The following CAPN14 variants were observed in gnomAD, a reference collection of about 807,000 sequenced individuals.
CAPN14 encodes the protein calpain 14.
Under a neutral mutation model 101.3 loss-of-function variants are expected in CAPN14, and 94 were observed. The observed-to-expected ratio is 0.93, with a 90% CI of 0.79 to 1.10. The LOEUF (loss-of-function observed/expected upper bound fraction) is 1.10. CAPN14 is among the 50% of genes least tolerant of loss of function. The probability of loss-of-function intolerance (pLI) is 0.00; values close to 1 mark genes in which losing one functional copy is unlikely to be tolerated. For synonymous variants in CAPN14, 338 were observed against 317.9 expected, an observed-to-expected ratio of 1.06 and a Z score of -0.67; for missense variants, 837 against 828.4, an observed-to-expected ratio of 1.01 and a Z score of -0.13.
chr2:31,189,167 T>A lies in CAPN14; in HGVS notation c.1493+106A>T. The A allele has an allele frequency of 7.1e-6, 7 of 986,310 alleles. No individual in the cohort carries two copies. In the South Asian group the frequency reaches 1.0e-4, roughly 14 times the overall value. The allele number at this position is 986,310 out of a possible 1,614,324, so 61.1% of individuals were successfully genotyped here. A position where few individuals can be genotyped will look rare whatever the true frequency, so the allele number is the denominator to read the frequency against. On this transcript the variant is annotated intron_variant, in intron 13 of 21. Coordinates refer to ENST00000403897, the MANE Select transcript of CAPN14 (RefSeq NM_001145122.2). ...TCTCCTGCTCTCCCCATCTCCCTTT[T>A]GTCTCAGCAGCAGAGATCCTGGTTT...
intron 21 of CAPN14, among the ~76,000 whole-genome samples, chr2:31,175,381 GC>G (rs1680239657): frequency 6.6e-6 from 1 of 152,160 alleles, no homozygotes. Context: ...TTTGCCTAAG[GC>G]CCCACAGCTA....
Position 31,199,563 on chromosome 2 carries a change from T to C in CAPN14, c.727-31A>G, listed in dbSNP as rs1178400432. ...GAGACAAGAGAGGTCCTGATCAGTCTTCTGTTATGTACAGCTTATTCTTTG... is the reference window on the plus strand; with the variant it reads ...GAGACAAGAGAGGTCCTGATCAGTCCTCTGTTATGTACAGCTTATTCTTTG... On this transcript the variant is annotated intron_variant, in intron 6 of 21. Transcript: ENST00000403897. 5.2e-5 allele frequency: 79 copies of C among 1,531,582 alleles called. 1 individual carries two copies. The East Asian group carries it at 1.9e-3, about 37-fold the overall frequency. The allele number at this position is 1,531,582 out of a possible 1,614,324, so 94.9% of individuals were successfully genotyped here. A position where few individuals can be genotyped will look rare whatever the true frequency, so the allele number is the denominator to read the frequency against.
rs551102403 is a variant in CAPN14, at chr2:31,211,204, G to C, written c.-52-5705C>G. Among the ~76,000 whole-genome samples, 14 of 147,150 alleles carry C rather than the reference G, an allele frequency of 9.5e-5. No homozygotes were observed. The South Asian group carries it at 3.1e-3, about 33-fold the overall frequency. Reference sequence around the variant, plus strand: ...AAAACAGAAAGAAAGAAAAAAGAAAGAAAGAAAGAAAAAGAAAGAGAGAAA... The same window carrying C: ...AAAACAGAAAGAAAGAAAAAAGAAACAAAGAAAGAAAAAGAAAGAGAGAAA... On this transcript the variant is annotated intron_variant, in intron 1 of 21. Transcript: ENST00000403897.
chr2:31,224,611 A>T (rs1266146066), intron 2 of CAPN14, among the ~76,000 whole-genome samples: 1 of 152,144 alleles, frequency 6.6e-6, no homozygotes, highest in Admixed American at 6.5e-5. Context: ...ATTAATAAAA[A>T]AGAAAAGCAC....
intron 1 of CAPN14, among the ~76,000 whole-genome samples, chr2:31,227,057 C>T (rs1305082186): frequency 6.6e-6 from 1 of 152,204 alleles, no homozygotes; most frequent in Non-Finnish European, 1.5e-5. Context: ...ACCTGTGCTA[C>T]AAAAGCAGAC....
chr2:31,184,686 C>T (rs4952054), intron 16 of CAPN14, among the ~76,000 whole-genome samples: 50,674 of 152,064 alleles, frequency 0.33, 10,031 homozygotes, highest in African/African-American at 0.55. Context: ...TGCACTTTAC[C>T]ATATGTGAGG....
rs748538887 is a variant in CAPN14, at chr2:31,174,735, G to A, written c.2029-28C>T. ...GGACATGTTGGGAAAGCAAATGATG[G>A]TCAGTTCAGACCCACGTCTCATCTG... On this transcript the variant is annotated intron_variant, in intron 21 of 21. Coordinates refer to ENST00000403897, the MANE Select transcript of CAPN14 (RefSeq NM_001145122.2). The A allele has an allele frequency of 7.1e-6, 11 of 1,551,384 alleles. No individual in the cohort carries two copies. In the South Asian group the frequency reaches 1.3e-4, roughly 18 times the overall value.
chr2:31,188,412 A>C, intron 13 of CAPN14, 58 bp from the exon 14 acceptor site: 1 of 1,480,146 alleles, frequency 6.8e-7, no homozygotes, highest in South Asian at 1.2e-5. Flanking sequence ...TTTTTGGCCA[A>C]TCTTCCCCTT....
chr2:31,227,554 AT>A (rs1683062036), intron 1 of CAPN14, among the ~76,000 whole-genome samples: 1 of 152,220 alleles, frequency 6.6e-6, no homozygotes, highest in African/African-American at 2.4e-5. Flanking sequence ...CTATAGACTT[AT>A]AAAAACGTAT....
At chr2:31,217,999 C>G (rs1682729448), upstream of CAPN14, among the ~76,000 whole-genome samples, 1 of 152,128 alleles carries the variant, frequency 6.6e-6, no homozygotes, top group African/African-American at 2.4e-5. Flanking sequence ...AGGGATGTTT[C>G]CTGCTAAGGA....
At chr2:31,219,037 C>T (rs1682776644), upstream of CAPN14, among the ~76,000 whole-genome samples, 2 of 151,952 alleles carry the variant, frequency 1.3e-5, no homozygotes, top group East Asian at 3.9e-4. Flanking sequence ...TTATCTTCCC[C>T]CTTCTATTCA....
At chr2:31,212,813 C>A (rs964592984) in intron 1 of CAPN14, among the ~76,000 whole-genome samples, 1 of 152,142 alleles carries the variant, frequency 6.6e-6, no homozygotes, top group East Asian at 1.9e-4. Context: ...GTCTCTGGAA[C>A]GGAAGCAAAA....
intron 1 of CAPN14, among the ~76,000 whole-genome samples, chr2:31,213,633 C>T (rs953466149): frequency 7.2e-5 from 11 of 152,220 alleles, no homozygotes; most frequent in Admixed American, 4.6e-4. Flanking sequence ...AAGAATTTAT[C>T]TTAATGAAAC....
rs1408301127 is a variant in CAPN14, at chr2:31,193,260, G to A, written c.985C>T (p.Leu329Phe). The change falls in exon 10 of 22, where the codon CTC becomes TTC. Residue 329 changes from leucine (L) to phenylalanine (F), a missense_variant. Coordinates refer to ENST00000403897, the MANE Select transcript of CAPN14 (RefSeq NM_001145122.2). ...TLQDFKTHFV[L>F]LVICKLTPGL... ...GGGGTCAGTTTACAGATAACCAGGA[G>A]CACGAAATGTGTTTTAAAGTCCTGC... 5 of 1,551,814 alleles carry A rather than the reference G, an allele frequency of 3.2e-6. No individual in the cohort carries two copies. Among genetic ancestry groups the A allele is most frequent in the East Asian group, 4.9e-5 (2 of 40,920 alleles).
In CAPN14 at chr2:31,191,399, C is replaced by T. The variant is rs1681168446; in HGVS notation, c.1287G>A (p.Lys429=). The T allele has an allele frequency of 1.3e-6, 2 of 1,539,446 alleles. No homozygotes were observed. Among genetic ancestry groups the T allele is most frequent in the African/African-American group, 1.4e-5 (1 of 71,360 alleles). Residue 429 remains lysine, a splice_region_variant and synonymous_variant, in exon 12 of 22, where the codon AAG becomes AAA. Transcript: ENST00000403897. The part of the protein sequence containing the change: ...AIGFYLYRMN[K]YHDDQRRLPP... ...CCACCCGGTCAAGTGCAGAACTCAC[C>T]TTGTTCATCTAAAAAACAAAAACAA...
chr2:31,205,812 G>A (rs1414948794), intron 1 of CAPN14, among the ~76,000 whole-genome samples: 1 of 152,144 alleles, frequency 6.6e-6, no homozygotes, highest in South Asian at 2.1e-4. Flanking sequence ...GCTTAGTGGG[G>A]AGGCAGGAGA....
chr2:31,175,923 C>T (rs1188923397), intron 21 of CAPN14, among the ~76,000 whole-genome samples: 1 of 152,176 alleles, frequency 6.6e-6, no homozygotes, highest in Non-Finnish European at 1.5e-5. Context: ...TAAATCAGTG[C>T]ATTTTGAAGG....
intron 7 of CAPN14, among the ~76,000 whole-genome samples, chr2:31,198,229 A>G (rs1012161891): frequency 1.3e-5 from 2 of 152,186 alleles, no homozygotes; most frequent in Non-Finnish European, 2.9e-5. Context: ...TTTGTCTCTT[A>G]TCTACCTGTG....
intron 8 of CAPN14, among the ~76,000 whole-genome samples, chr2:31,195,807 A>T (rs1367900673): frequency 1.3e-5 from 2 of 151,394 alleles, no homozygotes; most frequent in African/African-American, 4.9e-5. Context: ...TACCTACTTT[A>T]AAAAAAGTCC....
Sources: allele counts gnomAD v4.1 joint callset (sites outside exome capture counted in the v4.1 genomes callset), GRCh38; gene constraint gnomAD v4.1.1; transcripts MANE v1.5; gene names NCBI Gene and HGNC (gene_info 2026-07-23, HGNC 2026-07-21).